MRTFA: variants seen among roughly 807,000 people sequenced by gnomAD.
MRTFA encodes myocardin-related transcription factor A.
MRTFA carries 20 observed loss-of-function variants against 83.5 expected under a neutral mutation model. That is an observed-to-expected ratio of 0.24 (90% CI 0.17 to 0.35). The LOEUF (loss-of-function observed/expected upper bound fraction) is 0.35, where lower values mean the gene tolerates loss of function less well. Ranked by LOEUF, MRTFA falls within the 10% of genes least tolerant of loss-of-function variation. The pLI, the probability that MRTFA is intolerant of heterozygous loss-of-function variation, is 1.00. For synonymous variants in MRTFA, 659 were observed against 541.2 expected, an observed-to-expected ratio of 1.22 and a Z score of -3.02; for missense variants, 1,200 against 1,224.7, an observed-to-expected ratio of 0.98 and a Z score of 0.30.
intron 1 of MRTFA, among the ~76,000 whole-genome samples, chr22:40,609,497 A>T (rs986499887): frequency 6.6e-6 from 1 of 151,456 alleles, no homozygotes; most frequent in South Asian, 2.1e-4. Context: ...AAAAAAAAAA[A>T]AAAAAAACAC....
chr22:40,556,968 T>C (rs1388150059), intron 2 of MRTFA, among the ~76,000 whole-genome samples: 1 of 152,220 alleles, frequency 6.6e-6, no homozygotes, highest in Non-Finnish European at 1.5e-5. Context: ...GGAAAAGTGG[T>C]TTCACATAGA....
intron 3 of MRTFA, among the ~76,000 whole-genome samples, chr22:40,475,070 T>C (rs2053970714): frequency 6.6e-6 from 1 of 151,272 alleles, no homozygotes; most frequent in Non-Finnish European, 1.5e-5. Context: ...AACTCCTGAT[T>C]TCAGGTGATC....
At chr22:40,571,021 C>T (rs747524294) in intron 2 of MRTFA, among the ~76,000 whole-genome samples, 5 of 78,826 alleles carry the variant, frequency 6.3e-5, no homozygotes, top group Non-Finnish European at 1.2e-4. Flanking sequence ...GAATCCCTGT[C>T]TCTACAAAAA....
chr22:40,493,860 T>C (rs955471795), intron 3 of MRTFA, among the ~76,000 whole-genome samples: 6 of 152,240 alleles, frequency 3.9e-5, no homozygotes, highest in African/African-American at 1.2e-4. Context: ...GAACTGTACA[T>C]TGTCTTTGGA....
At chr22:40,525,449 C>CA (rs1482062655) in intron 3 of MRTFA, among the ~76,000 whole-genome samples, 2 of 151,692 alleles carry the variant, frequency 1.3e-5, no homozygotes, top group Non-Finnish European at 2.9e-5. Context: ...TACAGTGAGC[C>CA]GAGATCCCAC....
intron 4 of MRTFA, among the ~76,000 whole-genome samples, chr22:40,459,822 C>CACACATATACAT (rs1308675939): frequency 2.9e-5 from 2 of 68,266 alleles, no homozygotes; most frequent in African/African-American, 1.3e-4. Context: ...CACACACACA[C>CACACATATACAT]ATATATACAT....
At chr22:40,433,328 A>G (rs563417037) in intron 5 of MRTFA, 1 of 152,406 alleles carries the variant, frequency 6.6e-6, no homozygotes, top group East Asian at 1.9e-4. Flanking sequence ...TGTCGAAGAA[A>G]ACTGAGGGAA....
At chr22:40,506,541 A>G (rs1190100294) in intron 3 of MRTFA, among the ~76,000 whole-genome samples, 3 of 152,188 alleles carry the variant, frequency 2.0e-5, no homozygotes, top group Non-Finnish European at 2.9e-5. Flanking sequence ...CTTACAATCT[A>G]CGTCTCACTG....
intron 3 of MRTFA, chr22:40,519,454 C>G (rs529878837): frequency 7.5e-7 from 1 of 1,336,352 alleles, no homozygotes; most frequent in Non-Finnish European, 9.9e-7. Context: ...GTTGTTTTAG[C>G]GTTACCTACC....
At chr22:40,513,393 G>T (rs2054699724) in intron 3 of MRTFA, among the ~76,000 whole-genome samples, 1 of 152,022 alleles carries the variant, frequency 6.6e-6, no homozygotes, top group Non-Finnish European at 1.5e-5. Context: ...CTGAGATCAG[G>T]AGTTCGAGAC....
At chr22:40,505,383 C>T (rs1330172689) in intron 3 of MRTFA, among the ~76,000 whole-genome samples, 1 of 152,224 alleles carries the variant, frequency 6.6e-6, no homozygotes, top group Admixed American at 6.5e-5. Context: ...TAAACTCTAA[C>T]TTCAGCATTT....
At chr22:40,626,652 T>G (rs539689942) in intron 1 of MRTFA, among the ~76,000 whole-genome samples, 1 of 152,198 alleles carries the variant, frequency 6.6e-6, no homozygotes, top group Non-Finnish European at 1.5e-5. Flanking sequence ...CACATATATA[T>G]GGCAAACTCA....
At chr22:40,451,974 GGTTTTTTTTTTTTT>G (rs368174333) in intron 4 of MRTFA, among the ~76,000 whole-genome samples, 2 of 39,568 alleles carry the variant, frequency 5.1e-5, no homozygotes, top group Admixed American at 3.7e-4. Flanking sequence ...TTTTTTTTTT[GGTTTTTTTTTTTTT>G]TTTTTTTTTT....
chr22:40,429,401 G>A (rs1208976196), intron 7 of MRTFA: 2 of 703,770 alleles, frequency 2.8e-6, no homozygotes, highest in Non-Finnish European at 5.3e-6. Flanking sequence ...GTATGTCCCT[G>A]TTTCTTAAAG....
intron 3 of MRTFA, among the ~76,000 whole-genome samples, chr22:40,496,923 T>C (rs1309288570): frequency 6.6e-6 from 1 of 152,224 alleles, no homozygotes; most frequent in Non-Finnish European, 1.5e-5. Flanking sequence ...CAAGGTGTCC[T>C]CTATCTCTAA....
At chr22:40,634,294 C>T (rs1160038137) in intron 1 of MRTFA, among the ~76,000 whole-genome samples, 1 of 152,122 alleles carries the variant, frequency 6.6e-6, no homozygotes, top group African/African-American at 2.4e-5. Flanking sequence ...CATTATGTTG[C>T]CCAAGCGGGT....
intron 3 of MRTFA, among the ~76,000 whole-genome samples, chr22:40,536,295 C>G (rs952814618): frequency 6.6e-6 from 1 of 152,140 alleles, no homozygotes; most frequent in Admixed American, 6.5e-5. Context: ...AGAGCAAGAC[C>G]CTGTCTCAAT....
intron 2 of MRTFA, among the ~76,000 whole-genome samples, chr22:40,566,013 T>G (rs1247871828): frequency 6.6e-6 from 1 of 152,138 alleles, no homozygotes; most frequent in Non-Finnish European, 1.5e-5. Flanking sequence ...CATGCCTCTA[T>G]GGCTCTGTCT....
Position 40,452,537 on chromosome 22 carries a change from T to C in MRTFA, c.307+10684A>G, listed in dbSNP as rs117839877. On this transcript the variant is annotated intron_variant, in intron 4 of 14. Coordinates refer to ENST00000355630, the MANE Select transcript of MRTFA (RefSeq NM_020831.6). ...CAAGAACTCATATCAAAAAGACTAC[T>C]TTCAGCCAGGCACAATGGCTCATGA... is the stretch of plus-strand genomic sequence containing the variant. 6.0e-3 allele frequency among the ~76,000 whole-genome samples: 916 copies of C among 152,246 alleles called. 5 individuals carry two copies. The highest frequency in any genetic ancestry group is 0.015 in the South Asian group (71 of 4,814).
Sources: gnomAD v4.1 joint callset for allele counts (sites outside exome capture counted in the v4.1 genomes callset) on GRCh38, gnomAD v4.1.1 for gene constraint, MANE v1.5 for transcripts, NCBI Gene and HGNC (gene_info 2026-07-23, HGNC 2026-07-21) for gene names.